The following GAK variants were observed in gnomAD, a reference collection of about 807,000 sequenced individuals.
The protein encoded by GAK is cyclin-G-associated kinase.
In GAK, 79 loss-of-function variants were observed where a neutral mutation model predicts 143.9. That is an observed-to-expected ratio of 0.55 (90% CI 0.46 to 0.66). GAK has a LOEUF of 0.66. Ranked by LOEUF, GAK falls within the 30% of genes least tolerant of loss-of-function variation. GAK has a pLI of 0.00. For missense variants in GAK, 1,693 were observed against 1,779.7 expected (o/e 0.95, Z 0.88); for synonymous variants, 881 against 765.5 (o/e 1.15, Z -2.49).
chr4:866,876 C>A, intron 21 of GAK, 80 bp downstream of exon 21: 1 of 1,106,516 alleles, frequency 9.0e-7, no homozygotes, highest in Non-Finnish European at 1.3e-6. Flanking sequence ...ACCTTCGAAA[C>A]ACGCCCATGC....
chr4:885,595 C>T (rs1220183871), intron 11 of GAK, among the ~76,000 whole-genome samples: 1 of 152,132 alleles, frequency 6.6e-6, no homozygotes, highest in Non-Finnish European at 1.5e-5. Flanking sequence ...AGGGCTGCAC[C>T]GGATGCTGAC....
chr4:889,311 T>C (rs765662920), intron 10 of GAK, among the ~76,000 whole-genome samples: 2 of 152,158 alleles, frequency 1.3e-5, no homozygotes, highest in Non-Finnish European at 2.9e-5. Context: ...ACTCTGTCTG[T>C]GGGGATAGTC....
In GAK at chr4:859,475, G is replaced by C. The variant is rs766944271; in HGVS notation, c.3283+131C>G. ...GACACGCTGTCCCCTTGGGCTCACT[G>C]TGCTCTGGGCTTGGGGGTCTTAGTG... On this transcript the variant is annotated intron_variant, in intron 24 of 27. Transcript: ENST00000314167. The C allele has an allele frequency of 1.9e-6, 3 of 1,602,304 alleles. No homozygotes were observed. The African/African-American group carries it at 4.0e-5, about 21-fold the overall frequency.
rs1457719600 is a variant in GAK at position 877,701 on chromosome 4, C to T, written c.1770G>A (p.Lys590=). Residue 590 remains lysine, a synonymous_variant, in exon 16 of 28, where the codon AAG becomes AAA. Transcript: ENST00000314167. ...VVMTPVPLFS[K]QRSGCRPFCE... The stretch of plus-strand genomic sequence containing the variant: ...AGAAGGGCCTGCAGCCGCTCCTCTG[C>T]TTGCTGAACAGCGGCACGGGTGTCA... 8 of 1,613,404 alleles carry T rather than the reference C, an allele frequency of 5.0e-6. No individual in the cohort carries two copies. Among genetic ancestry groups the T allele is most frequent in the Non-Finnish European group, 6.8e-6 (8 of 1,179,918 alleles).
chr4:882,230 G>T (rs1715285748), intron 14 of GAK, among the ~76,000 whole-genome samples, 190 bp from the exon 15 acceptor site: 1 of 152,200 alleles, frequency 6.6e-6, no homozygotes, highest in South Asian at 2.1e-4. Flanking sequence ...AGAGACTGAA[G>T]GTTCCCTAAC....
chr4:925,990 C>T (rs1577334660), intron 1 of GAK, among the ~76,000 whole-genome samples: 1 of 152,250 alleles, frequency 6.6e-6, no homozygotes, highest in East Asian at 1.9e-4. Flanking sequence ...TGTCACCTCC[C>T]CCAGTGGTGA....
rs556441863 is a variant in GAK at position 894,311 on chromosome 4, G to C, written c.742-302C>G. On this transcript the variant is annotated intron_variant, in intron 7 of 27. Transcript: ENST00000314167. Reference sequence around the variant, plus strand: ...CGCAGGGGTGACGCCTGGGCCTGTGGGGAGTGCAGGGGTGACACCCAGGCC... The same window carrying C: ...CGCAGGGGTGACGCCTGGGCCTGTGCGGAGTGCAGGGGTGACACCCAGGCC... 6.8e-4 allele frequency: 195 copies of C among 286,468 alleles called. 1 individual carries two copies. The highest frequency in any genetic ancestry group is 1.1e-3 in the Non-Finnish European group (166 of 151,252). The allele number at this position is 286,468 out of a possible 1,614,324, so 17.7% of individuals were successfully genotyped here. A position where few individuals can be genotyped will look rare whatever the true frequency, so the allele number is the denominator to read the frequency against.
Position 851,954 on chromosome 4 carries a change from G to A in GAK, c.3304C>T (p.Pro1102Ser), listed in dbSNP as rs746338370. ...GCCGTTTTGGGAATGAAGCCCCCAG[G>A]AGGGAATCCAGCTGGTGAGCCTGTG... ...GLQGSPAGFP[P>S]GGFIPKTATT... Residue 1102 changes from proline (P) to serine (S), a missense_variant, in exon 25 of 28, where the codon CCT becomes TCT. Transcript: ENST00000314167. 3.6e-5 allele frequency: 58 copies of A among 1,613,706 alleles called. No homozygotes were observed. Among genetic ancestry groups the A allele is most frequent in the Non-Finnish European group, 4.9e-5 (58 of 1,179,904 alleles).
At chr4:883,044 C>T (rs897103982) in intron 13 of GAK, among the ~76,000 whole-genome samples, 3 of 152,354 alleles carry the variant, frequency 2.0e-5, no homozygotes, top group Non-Finnish European at 2.9e-5. Flanking sequence ...TGACAAGTGT[C>T]GTGTCTGGAA....
At position 932,201 on chromosome 4, in the gene GAK, C is replaced by T; in HGVS notation, c.-14G>A. 6.6e-7 allele frequency: 1 copy of T among 1,525,070 alleles called. No homozygotes were observed. 94.5% of individuals were successfully genotyped at this position (1,525,070 alleles called of 1,614,324 possible). On this transcript the variant is annotated 5_prime_UTR_variant, in exon 1 of 28. Coordinates refer to ENST00000314167, the MANE Select transcript of GAK (RefSeq NM_005255.4). The surrounding 1 kb of genome is among the most constrained non-coding windows in gnomAD (Gnocchi z 4.0). ...CAGCAGCGACATGGCGGTGGCTGCG[C>T]CGCACCCCGCGGCAGCCGGAGTGGT...
intron 18 of GAK, among the ~76,000 whole-genome samples, chr4:871,507 G>A (rs1712611620): frequency 6.6e-6 from 1 of 152,232 alleles, no homozygotes; most frequent in South Asian, 2.1e-4. Context: ...CTAGAATCCG[G>A]CTGCCAGGGA....
chr4:887,246 A>ACATGCACGCGGCTCACGCGCACT (rs1716594691), intron 11 of GAK: 2 of 93,272 alleles, frequency 2.1e-5, no homozygotes, highest in Non-Finnish European at 4.7e-5. Context: ...TCACGTGTAC[A>ACATGCACGCGGCTCACGCGCACT]CATGCACGCG....
chr4:920,609 T>C (rs940027021), intron 1 of GAK, among the ~76,000 whole-genome samples: 8 of 139,752 alleles, frequency 5.7e-5, no homozygotes, highest in African/African-American at 1.9e-4. Context: ...AGAGGCACAA[T>C]CCCGGCTCAC....
In GAK at chr4:866,812, C is replaced by T. The variant is rs1751269686; in HGVS notation, c.2872+144G>A. ...GGGCAGCACAGAACCCTGACATGAC[C>T]CCGAGGCTGCTCCTGGGGGAGGTGG... is the stretch of plus-strand genomic sequence containing the variant. On this transcript the variant is annotated intron_variant, in intron 21 of 27. Coordinates refer to ENST00000314167, the MANE Select transcript of GAK (RefSeq NM_005255.4). 9 of 716,482 alleles carry T rather than the reference C, an allele frequency of 1.3e-5. 1 individual carries two copies. The Admixed American group carries it at 1.7e-4, about 14-fold the overall frequency. 44.4% of individuals were successfully genotyped at this position (716,482 alleles called of 1,614,324 possible). A position where few individuals can be genotyped will look rare whatever the true frequency, so the allele number is the denominator to read the frequency against.
intron 1 of GAK, among the ~76,000 whole-genome samples, chr4:928,277 C>T (rs545136905): frequency 3.9e-5 from 6 of 152,348 alleles, no homozygotes; most frequent in African/African-American, 4.8e-5. Context: ...AGGCTGGTTT[C>T]GAACTCCTGA....
In GAK at chr4:868,752, G is replaced by A. The variant is rs1711622878; in HGVS notation, c.2249-67C>T. ...CAGCCTCGGGGCAACACTGACCCCA[G>A]AGCTGGGAAGTGCAGCCAGGCGGGC... On this transcript the variant is annotated intron_variant, in intron 19 of 27. Coordinates refer to ENST00000314167, the MANE Select transcript of GAK (RefSeq NM_005255.4). 6.7e-6 allele frequency: 10 copies of A among 1,487,084 alleles called. No individual in the cohort carries two copies. The Admixed American group carries it at 8.5e-5, about 13-fold the overall frequency. The allele number at this position is 1,487,084 out of a possible 1,614,324, so 92.1% of individuals were successfully genotyped here.
chr4:858,252 G>A (rs910729805), intron 24 of GAK, among the ~76,000 whole-genome samples: 1 of 152,228 alleles, frequency 6.6e-6, no homozygotes, highest in East Asian at 1.9e-4. Context: ...CAGTGCTGAC[G>A]TCGCCAGCTA....
At chr4:912,329 A>G (rs1005768201) in intron 3 of GAK, 28 of 368,946 alleles carry the variant, frequency 7.6e-5, no homozygotes, top group Middle Eastern at 5.8e-4. Flanking sequence ...CAGCCTGAGA[A>G]GGGACGAGAG....
At chr4:870,599 G>C (rs1014391424) in intron 19 of GAK, 112 bp downstream of exon 19, 1 of 1,091,716 alleles carries the variant, frequency 9.2e-7, no homozygotes, top group Non-Finnish European at 1.3e-6. Context: ...TCAGGGCCTG[G>C]GTGCAGCAGC....
Sources: gnomAD v4.1 joint callset for allele counts (sites outside exome capture counted in the v4.1 genomes callset) on GRCh38, gnomAD v4.1.1 for gene constraint, Gnocchi (gnomAD v3.1) non-coding constraint, MANE v1.5 for transcripts, NCBI Gene and HGNC (gene_info 2026-07-23, HGNC 2026-07-21) for gene names.